Variants in LAMC1 observed in about 807,000 individuals in gnomAD.
LAMC1 encodes laminin subunit gamma 1.
A neutral mutation model predicts 173.6 loss-of-function variants in LAMC1; 38 were observed. The observed-to-expected ratio is 0.22, with a 90% CI of 0.17 to 0.29. The LOEUF is 0.29. LAMC1 is among the 10% of genes least tolerant of loss of function. LAMC1 has a pLI of 1.00. For missense variants in LAMC1, 1,824 were observed against 2,051.8 expected (o/e 0.89, Z 2.14); for synonymous variants, 746 against 749.1 (o/e 1.00, Z 0.07).
At chr1:183,075,126 C>CTT (rs34893443) in intron 1 of LAMC1, among the ~76,000 whole-genome samples, 4,559 of 135,786 alleles carry the variant, frequency 0.034, 263 homozygotes, top group African/African-American at 0.12. Context: ...CTGATGTGGG[C>CTT]TTTTTTTTTT....
chr1:183,067,695 T>C (rs1031820205), intron 1 of LAMC1, among the ~76,000 whole-genome samples: 6 of 152,100 alleles, frequency 3.9e-5, no homozygotes, highest in Admixed American at 6.6e-5. Context: ...TTTTACTGTA[T>C]TGGCCAGGCT....
chr1:183,119,318 G>T (rs1269279617), intron 11 of LAMC1, among the ~76,000 whole-genome samples: 2 of 152,186 alleles, frequency 1.3e-5, no homozygotes, highest in Non-Finnish European at 2.9e-5. Context: ...CAGCTTAGAT[G>T]TGTTGATTTT....
chr1:183,123,751 A>G (rs1362371671), intron 13 of LAMC1, among the ~76,000 whole-genome samples: 2 of 152,238 alleles, frequency 1.3e-5, no homozygotes, highest in Non-Finnish European at 2.9e-5. Flanking sequence ...CAACCGCTGC[A>G]TACACTTCAT....
At chr1:183,083,435 G>GTAT (rs200248141) in intron 1 of LAMC1, among the ~76,000 whole-genome samples, 17,646 of 152,164 alleles carry the variant, frequency 0.12, 1,144 homozygotes, top group Admixed American at 0.2. Context: ...TATACTACCT[G>GTAT]ATGTATGCTG....
chr1:183,069,522 C>T (rs952306828), intron 1 of LAMC1, among the ~76,000 whole-genome samples: 1 of 152,172 alleles, frequency 6.6e-6, no homozygotes, highest in Non-Finnish European at 1.5e-5. Context: ...TCTGTTGTTT[C>T]AGTGGGATTT....
Position 183,140,043 on chromosome 1 carries a change from A to C in LAMC1, c.4474-361A>C, listed in dbSNP as rs968712962. 1.6e-4 allele frequency among the ~76,000 whole-genome samples: 25 copies of C among 152,220 alleles called. No individual in the cohort carries two copies. The East Asian group carries it at 4.4e-3, about 27-fold the overall frequency. ...AACATAGTTTCTATAATCATCCTTA[A>C]AAAATAACTTGTTTCTGCTTAATAG... On this transcript the variant is annotated intron_variant, in intron 26 of 27. Transcript: ENST00000258341.
chr1:183,054,957 T>C (rs1571411856), intron 1 of LAMC1, among the ~76,000 whole-genome samples: 4 of 152,104 alleles, frequency 2.6e-5, no homozygotes, highest in African/African-American at 9.6e-5. Context: ...TCTGCCATCT[T>C]ATTCCTTTGA....
At chr1:183,028,565 T>C (rs1003978443) in intron 1 of LAMC1, among the ~76,000 whole-genome samples, 6 of 152,252 alleles carry the variant, frequency 3.9e-5, no homozygotes, top group Non-Finnish European at 8.8e-5. Context: ...CCTAAAGTCA[T>C]GTGGGAGATA....
intron 1 of LAMC1, among the ~76,000 whole-genome samples, chr1:183,074,672 A>G (rs1243802227): frequency 1.3e-5 from 2 of 152,192 alleles, no homozygotes; most frequent in Non-Finnish European, 2.9e-5. Context: ...TTATTCTATT[A>G]TGGGAGATTT....
intron 2 of LAMC1, among the ~76,000 whole-genome samples, chr1:183,107,339 G>T (rs548062457): frequency 6.6e-6 from 1 of 152,162 alleles, no homozygotes; most frequent in Non-Finnish European, 1.5e-5. Flanking sequence ...TAGGGAGTTG[G>T]GTAGGGGTAG....
intron 1 of LAMC1, among the ~76,000 whole-genome samples, chr1:183,062,689 C>T (rs1324536870): frequency 2.0e-5 from 3 of 152,036 alleles, no homozygotes; most frequent in East Asian, 1.9e-4. Flanking sequence ...CAGTGGCTCA[C>T]GCCTGTAATC....
chr1:183,067,408 C>G (rs1444192824), intron 1 of LAMC1, among the ~76,000 whole-genome samples: 3 of 152,036 alleles, frequency 2.0e-5, no homozygotes, highest in Admixed American at 6.6e-5. Context: ...TTTTGCATTT[C>G]TTTGTTGGCA....
chr1:183,023,612 G>A lies in LAMC1; in HGVS notation c.-105G>A, dbSNP rs1027946432. ...CGCCCGCGCCGGAGTCAGGCCCCTG[G>A]GCCCCCAGGCTCAAGCAGCGAAGCG... On this transcript the variant is annotated 5_prime_UTR_variant, in exon 1 of 28. Coordinates refer to ENST00000258341, the MANE Select transcript of LAMC1 (RefSeq NM_002293.4). The A allele has an allele frequency of 4.4e-6, 4 of 901,668 alleles. No homozygotes were observed. Among genetic ancestry groups the A allele is most frequent in the Non-Finnish European group, 5.5e-6 (4 of 720,758 alleles). 55.9% of individuals were successfully genotyped at this position (901,668 alleles called of 1,614,324 possible).
chr1:183,064,054 G>A (rs1048248715), intron 1 of LAMC1, among the ~76,000 whole-genome samples: 1 of 152,100 alleles, frequency 6.6e-6, no homozygotes, highest in Non-Finnish European at 1.5e-5. Flanking sequence ...AAGCAAAGTG[G>A]GTAAACTTTA....
chr1:183,134,331 A>G (rs1173962978), intron 22 of LAMC1, among the ~76,000 whole-genome samples: 3 of 152,252 alleles, frequency 2.0e-5, no homozygotes, highest in South Asian at 2.1e-4. Context: ...AATCAGAACA[A>G]TGGCAGGCAC....
At chr1:183,053,411 T>TTTG (rs1553253648) in intron 1 of LAMC1, among the ~76,000 whole-genome samples, 2 of 67,920 alleles carry the variant, frequency 2.9e-5, no homozygotes, top group Non-Finnish European at 4.1e-5. Flanking sequence ...GATCTGTTTT[T>TTTG]TGTGTGTGTT....
At chr1:183,090,468 TGAA>T (rs1170138597) in intron 1 of LAMC1, among the ~76,000 whole-genome samples, 1 of 152,058 alleles carries the variant, frequency 6.6e-6, no homozygotes, top group African/African-American at 2.4e-5. Context: ...GAATGAAAAA[TGAA>T]GAAGGGGGTG....
intron 2 of LAMC1, among the ~76,000 whole-genome samples, chr1:183,105,668 C>T (rs984254775): frequency 6.6e-5 from 10 of 152,014 alleles, no homozygotes; most frequent in East Asian, 1.9e-4. Context: ...TCTGCATAGA[C>T]GTGGTCAGTC....
At position 183,130,518 on chromosome 1, in the gene LAMC1, T is replaced by G; in HGVS notation, c.3455T>G (p.Leu1152Arg). 6.2e-7 allele frequency: 1 copy of G among 1,614,186 alleles called. No individual in the cohort carries two copies. Among genetic ancestry groups the G allele is most frequent in the Non-Finnish European group, 8.5e-7 (1 of 1,180,042 alleles). ...TTGATTGAAATCGCATCCAGAGAAC[T>G]TGAGAAAGCAAAAGTCGCTGCTGCC... is the stretch of plus-strand genomic sequence containing the variant. ...ERLIEIASRELEKAKVAAANV... is the reference protein window; with the variant it reads ...ERLIEIASREREKAKVAAANV... Residue 1152 changes from leucine to arginine, a missense_variant, in exon 19 of 28, where the codon CTT becomes CGT. By Grantham distance (102) the Leu-to-Arg change is moderately radical. Coordinates refer to ENST00000258341, the MANE Select transcript of LAMC1 (RefSeq NM_002293.4).
Sources: allele counts gnomAD v4.1 joint callset (sites outside exome capture counted in the v4.1 genomes callset), GRCh38; gene constraint gnomAD v4.1.1; transcripts MANE v1.5; gene names NCBI Gene and HGNC (gene_info 2026-07-23, HGNC 2026-07-21).